Variants in DNASE1L3 observed in about 807,000 individuals in gnomAD.
DNASE1L3 encodes deoxyribonuclease 1L3.
Under a neutral mutation model 30.9 loss-of-function variants are expected in DNASE1L3, and 27 were observed. The ratio of observed to expected loss-of-function variants is 0.87; its 90% confidence interval spans 0.64 to 1.20. The LOEUF is 1.20. Among genes scored for constraint, DNASE1L3 ranks in the 50% most tolerant of loss-of-function variants. The pLI is 0.00. For synonymous variants in DNASE1L3, 135 were observed against 138.0 expected (o/e 0.98, Z 0.15); for missense variants, 364 against 378.2 (o/e 0.96, Z 0.31).
chr3:58,203,450 A>T (rs942469832), intron 4 of DNASE1L3, among the ~76,000 whole-genome samples: 2 of 152,102 alleles, frequency 1.3e-5, no homozygotes, highest in African/African-American at 4.8e-5. Flanking sequence ...GGTACATAGT[A>T]GGTACTGAAA....
chr3:58,206,348 G>C (rs976476403), intron 2 of DNASE1L3, among the ~76,000 whole-genome samples: 1 of 152,172 alleles, frequency 6.6e-6, no homozygotes, highest in African/African-American at 2.4e-5. Context: ...GGGGTATTTA[G>C]GGGCCAACTT....
Position 58,197,792 on chromosome 3 carries a change from A to G in DNASE1L3, c.704+29T>C. On this transcript the variant is annotated intron_variant, in intron 6 of 7. Transcript: ENST00000394549. The surrounding 1 kb of genome is among the most constrained non-coding windows in gnomAD (Gnocchi z 5.3). ...CTAGTGCACACCAAGCACTGTGGTG[A>G]GCCAGCAGCACCCTGCAGGGCCTCC... 6.2e-7 allele frequency: 1 copy of G among 1,612,762 alleles called. No individual in the cohort carries two copies. The highest frequency in any genetic ancestry group is 1.1e-5 in the South Asian group (1 of 91,010).
chr3:58,196,497 G>T (rs1482244683), intron 6 of DNASE1L3, among the ~76,000 whole-genome samples: 1 of 147,114 alleles, frequency 6.8e-6, no homozygotes, highest in Non-Finnish European at 1.5e-5. Flanking sequence ...AGCTTGCAGT[G>T]AGCCGAGATC....
At chr3:58,203,750 A>G (rs571876274) in intron 4 of DNASE1L3, among the ~76,000 whole-genome samples, 22 of 152,246 alleles carry the variant, frequency 1.4e-4, no homozygotes, top group African/African-American at 4.6e-4. Context: ...CAGTGAGCCA[A>G]GATCATGCCA....
rs375690971 is a variant in DNASE1L3, at chr3:58,210,863, A to G, written c.44T>C (p.Ile15Thr). Reference sequence around the variant, plus strand: ...GATCCTCATGGCCAGGGCGCTGTGGATGGAGAGGAGGAGAAGCAGCAGTGG... The same window carrying G: ...GATCCTCATGGCCAGGGCGCTGTGGGTGGAGAGGAGGAGAAGCAGCAGTGG... ...LAPLLLLLLS[I>T]HSALAMRICS... The change falls in exon 1 of 8, where the codon ATC becomes ACC. Residue 15 changes from isoleucine (I) to threonine (T), a missense_variant. Ile to Thr is a moderately conservative substitution (Grantham distance 89). Transcript: ENST00000394549. 7 of 1,613,954 alleles carry G rather than the reference A, an allele frequency of 4.3e-6. No individual in the cohort carries two copies. The highest frequency in any genetic ancestry group is 4.5e-5 in the East Asian group (2 of 44,882).
intron 1 of DNASE1L3, among the ~76,000 whole-genome samples, chr3:58,209,464 A>G (rs989328128): frequency 3.3e-5 from 5 of 152,162 alleles, no homozygotes; most frequent in Admixed American, 3.3e-4. Flanking sequence ...CAATCTTGTC[A>G]TGGCTCCCAC....
intron 2 of DNASE1L3, chr3:58,207,910 C>A: frequency 3.4e-6 from 1 of 292,890 alleles, no homozygotes; most frequent in Non-Finnish European, 6.3e-6. Flanking sequence ...CTATTGGTTT[C>A]TAATCTTTTC....
rs1277478430 is a variant in DNASE1L3, at chr3:58,210,927, A to G, written c.-21T>C. On this transcript the variant is annotated 5_prime_UTR_variant, in exon 1 of 8. Transcript: ENST00000394549. ...GACATCCTGGCGCTGCTCTGGCTTC[A>G]AGACTCTGTGAGAAGACAGCAGTGC... 6.2e-7 allele frequency: 1 copy of G among 1,612,828 alleles called. No homozygotes were observed. Among genetic ancestry groups the G allele is most frequent in the South Asian group, 1.1e-5 (1 of 91,016 alleles).
At chr3:58,202,317 GTTTTTTTTTTTTT>G (rs1171213238) in intron 4 of DNASE1L3, among the ~76,000 whole-genome samples, 1 of 48,842 alleles carries the variant, frequency 2.0e-5, no homozygotes, top group Non-Finnish European at 3.5e-5. Flanking sequence ...GGCTAGCTTT[GTTTTTTTTTTTTT>G]TTTTTTTTTT....
chr3:58,205,514 G>C lies in DNASE1L3; in HGVS notation c.277C>G (p.Leu93Val), dbSNP rs2097403318. The C allele has an allele frequency of 6.2e-7, 1 of 1,614,070 alleles. No individual in the cohort carries two copies. Among genetic ancestry groups the C allele is most frequent in the African/African-American group, 1.3e-5 (1 of 75,054 alleles). Residue 93 changes from leucine (L) to valine (V), a missense_variant, in exon 3 of 8, where the codon CTT (leucine) becomes GTT (valine). Transcript: ENST00000394549. ...TGTTCTTTATATGTGTTTCTTCCAAGCCGAGAGCTAATCACATAGTTGTAC... is the reference window on the plus strand; with the variant it reads ...TGTTCTTTATATGTGTTTCTTCCAACCCGAGAGCTAATCACATAGTTGTAC... ...ITYNYVISSRLGRNTYKEQYA... is the reference protein window; with the variant it reads ...ITYNYVISSRVGRNTYKEQYA...
chr3:58,210,156 G>C (rs1040552016), intron 1 of DNASE1L3, among the ~76,000 whole-genome samples: 2 of 147,470 alleles, frequency 1.4e-5, no homozygotes, highest in African/African-American at 2.5e-5. Flanking sequence ...GAAGGGAAAG[G>C]AAGAAAGAAA....
chr3:58,201,140 CA>C, intron 4 of DNASE1L3, 31 bp from the exon 5 acceptor site: 2 of 1,568,606 alleles, frequency 1.3e-6, no homozygotes, highest in Non-Finnish European at 1.7e-6. Flanking sequence ...GGGGGTCACA[CA>C]CTTCCCCTGT....
Position 58,210,646 on chromosome 3 carries a change from AG to A in DNASE1L3, c.141+119del, listed in dbSNP as rs2097407146. ...GAGAGTTGAAGTGGTTATTGTTCCAAGCCAGCTTCTACATTCCCCCTAAGGG... is the reference window on the plus strand; with the variant it reads ...GAGAGTTGAAGTGGTTATTGTTCCAACCAGCTTCTACATTCCCCCTAAGGG... On this transcript the variant is annotated intron_variant, in intron 1 of 7. Transcript: ENST00000394549. 2.7e-6 allele frequency: 4 copies of A among 1,479,800 alleles called. No homozygotes were observed. In the East Asian group the frequency reaches 9.1e-5, roughly 34 times the overall value. 91.7% of individuals were successfully genotyped at this position (1,479,800 alleles called of 1,614,324 possible).
intron 5 of DNASE1L3, among the ~76,000 whole-genome samples, chr3:58,198,952 A>G (rs530560829): frequency 6.6e-6 from 1 of 152,278 alleles, no homozygotes; most frequent in South Asian, 2.1e-4. Flanking sequence ...GAAACTTCCT[A>G]TCTTGGAAAT....
intron 6 of DNASE1L3, among the ~76,000 whole-genome samples, chr3:58,194,656 C>G (rs922561370): frequency 2.2e-5 from 3 of 138,880 alleles, no homozygotes; most frequent in African/African-American, 8.2e-5. Context: ...GACGGAGTCT[C>G]TCTGTGTCAC....
chr3:58,196,425 C>T (rs1354413932), intron 6 of DNASE1L3, among the ~76,000 whole-genome samples: 4 of 150,782 alleles, frequency 2.7e-5, no homozygotes, highest in African/African-American at 4.9e-5. Flanking sequence ...TGGTGGCGGG[C>T]GCCTGTAGTC....
intron 4 of DNASE1L3, among the ~76,000 whole-genome samples, chr3:58,202,003 C>T (rs771628499): frequency 6.6e-6 from 1 of 152,082 alleles, no homozygotes; most frequent in Non-Finnish European, 1.5e-5. Context: ...ATTGTGAGTG[C>T]TTTTATTTTC....
chr3:58,208,433 A>T (rs548174384), intron 1 of DNASE1L3, 127 bp from the exon 2 acceptor site: 7 of 951,708 alleles, frequency 7.4e-6, no homozygotes, highest in Non-Finnish European at 1.1e-5. Flanking sequence ...TCTCTGAACT[A>T]AATGAAGGAC....
intron 4 of DNASE1L3, among the ~76,000 whole-genome samples, chr3:58,201,358 T>C (rs1427923881): frequency 6.6e-6 from 1 of 152,240 alleles, no homozygotes; most frequent in East Asian, 1.9e-4. Flanking sequence ...TGGTAGACTG[T>C]TGTAGAAAGT....
Sources: allele counts gnomAD v4.1 joint callset (sites outside exome capture counted in the v4.1 genomes callset), GRCh38; gene constraint gnomAD v4.1.1; non-coding constraint Gnocchi (gnomAD v3.1); transcripts MANE v1.5; gene names NCBI Gene and HGNC (gene_info 2026-07-23, HGNC 2026-07-21).